DAB1: variants seen among roughly 807,000 people sequenced by gnomAD.
DAB1 encodes DAB adaptor protein 1, also known as disabled homolog 1.
DAB1 carries 15 observed loss-of-function variants against 64.6 expected under a neutral mutation model. The ratio of observed to expected loss-of-function variants is 0.23; its 90% CI spans 0.16 to 0.36. The LOEUF (loss-of-function observed/expected upper bound fraction) is 0.36. DAB1 is among the 10% of genes least tolerant of loss of function. The pLI is 1.00. For missense variants in DAB1, 596 were observed against 706.7 expected, an observed-to-expected ratio of 0.84 and a Z score of 1.78; for synonymous variants, 235 against 251.9, an observed-to-expected ratio of 0.93 and a Z score of 0.64.
At chr1:57,131,497 A>C (rs502701) in intron 4 of DAB1, among the ~76,000 whole-genome samples, 44,762 of 152,046 alleles carry the variant, frequency 0.29, 10,272 homozygotes, top group African/African-American at 0.65. Context: ...GTCCCAGAGA[A>C]CACCAGGTCC....
At chr1:58,228,694 T>A in intron 4 of DAB1, 1 of 1,141,106 alleles carries the variant, frequency 8.8e-7, no homozygotes, top group East Asian at 3.7e-5. Context: ...CAGTACCTCT[T>A]AGCCTTGCCC....
intron 1 of DAB1, chr1:57,880,144 T>C (rs1460199426): frequency 1.3e-5 from 2 of 148,718 alleles, no homozygotes; most frequent in African/African-American, 2.5e-5. Flanking sequence ...CAGAGAGGTA[T>C]GCTCATAGAA....
chr1:58,063,864 A>C (rs2100555899), intron 5 of DAB1, among the ~76,000 whole-genome samples: 1 of 152,330 alleles, frequency 6.6e-6, no homozygotes, highest in Middle Eastern at 3.4e-3. Context: ...TATAGCCTGA[A>C]CCCTTAACAC....
intron 4 of DAB1, among the ~76,000 whole-genome samples, chr1:58,242,900 A>T (rs1660362107): frequency 6.6e-6 from 1 of 152,134 alleles, no homozygotes; most frequent in African/African-American, 2.4e-5. Flanking sequence ...GGAAAAAAAA[A>T]ATAACATAAG....
chr1:58,387,564 G>A (rs1241859105), intron 3 of DAB1, among the ~76,000 whole-genome samples: 1 of 152,142 alleles, frequency 6.6e-6, no homozygotes, highest in Non-Finnish European at 1.5e-5. Flanking sequence ...TGTAGATAAA[G>A]TTCCCCAGAT....
chr1:58,247,271 G>A (rs1327468283), intron 4 of DAB1, among the ~76,000 whole-genome samples: 1 of 138,424 alleles, frequency 7.2e-6, no homozygotes, highest in South Asian at 2.7e-4. Context: ...CCCCCCGCCA[G>A]GTTAAATAAA....
intron 6 of DAB1, among the ~76,000 whole-genome samples, chr1:57,709,698 C>G (rs930427406): frequency 6.6e-6 from 1 of 152,146 alleles, no homozygotes; most frequent in Non-Finnish European, 1.5e-5. Flanking sequence ...GAGGTGGTGT[C>G]TGACTTACGC....
chr1:58,132,897 TGTTA>T (rs1417530629), intron 5 of DAB1, among the ~76,000 whole-genome samples: 8 of 152,324 alleles, frequency 5.3e-5, no homozygotes, highest in Non-Finnish European at 8.8e-5. Flanking sequence ...CTGATATCTG[TGTTA>T]GTGTTAGCTA....
At chr1:57,670,560 CTTA>C in intron 6 of DAB1, among the ~76,000 whole-genome samples, 1 of 152,208 alleles carries the variant, frequency 6.6e-6, no homozygotes, top group Middle Eastern at 3.4e-3. Flanking sequence ...GAGGGAAATT[CTTA>C]TTTTCAGGCA....
intron 7 of DAB1, among the ~76,000 whole-genome samples, chr1:57,434,814 T>C (rs1685630753): frequency 1.3e-5 from 2 of 152,128 alleles, no homozygotes; most frequent in Admixed American, 1.3e-4. Flanking sequence ...ATACAAAATG[T>C]ACAGTAAAAA....
intron 1 of DAB1, among the ~76,000 whole-genome samples, chr1:57,842,076 C>G (rs911966001): frequency 1.3e-5 from 2 of 152,310 alleles, no homozygotes; most frequent in Admixed American, 1.3e-4. Context: ...ACCTAAGCTA[C>G]ATCTTGAACA....
At chr1:57,335,960 T>C (rs1677045610) in intron 1 of DAB1, among the ~76,000 whole-genome samples, 1 of 152,206 alleles carries the variant, frequency 6.6e-6, no homozygotes, top group South Asian at 2.1e-4. Flanking sequence ...CAAATAATCA[T>C]TGTTGGCATC....
At chr1:57,229,927 A>G (rs1315715972) in intron 2 of DAB1, among the ~76,000 whole-genome samples, 1 of 152,210 alleles carries the variant, frequency 6.6e-6, no homozygotes, top group Non-Finnish European at 1.5e-5. Context: ...AATCAACAGT[A>G]GGGAAATATG....
At chr1:58,233,750 A>C (rs546375005) in intron 4 of DAB1, among the ~76,000 whole-genome samples, 1 of 152,258 alleles carries the variant, frequency 6.6e-6, no homozygotes, top group South Asian at 2.1e-4. Flanking sequence ...CCTTCAAGCT[A>C]CTCTGAGCCA....
At position 57,735,278 on chromosome 1, in the gene DAB1, A is replaced by C. The variant is rs370096522; in HGVS notation, n.552-85613T>G. On this transcript the variant is annotated intron_variant and non_coding_transcript_variant, in intron 6 of 20. Coordinates refer to the DAB1 transcript ENST00000485760. ...CTGCTACTGATTTGCTATGTGACCT[A>C]TCTGGACCCATCACCTATCTGGACT... is the stretch of plus-strand genomic sequence containing the variant. Among the ~76,000 whole-genome samples, 42 of 152,326 alleles carry C rather than the reference A, an allele frequency of 2.8e-4. No homozygotes were observed. The East Asian group carries it at 2.9e-3, about 11-fold the overall frequency.
chr1:57,059,624 G>T (rs1570614331), intron 9 of DAB1, among the ~76,000 whole-genome samples: 1 of 152,078 alleles, frequency 6.6e-6, no homozygotes, highest in Non-Finnish European at 1.5e-5. Flanking sequence ...AAGGCAGGAA[G>T]ATCTCAGAGC....
At chr1:57,753,164 G>A (rs1027977639) in intron 6 of DAB1, among the ~76,000 whole-genome samples, 1 of 152,130 alleles carries the variant, frequency 6.6e-6, no homozygotes, top group Non-Finnish European at 1.5e-5. Context: ...CTGTAGTCTT[G>A]GGCTGCCTGC....
chr1:57,349,682 C>T (rs982411442), intron 1 of DAB1, among the ~76,000 whole-genome samples: 4 of 152,170 alleles, frequency 2.6e-5, no homozygotes, highest in Non-Finnish European at 5.9e-5. Flanking sequence ...GAAAAAGCAG[C>T]CTGCATTATT....
chr1:57,836,131 A>G (rs1314713839), intron 1 of DAB1, among the ~76,000 whole-genome samples: 3 of 152,238 alleles, frequency 2.0e-5, no homozygotes, highest in Non-Finnish European at 4.4e-5. Flanking sequence ...TTACCTTACC[A>G]CTACTGCACT....
Sources: allele counts gnomAD v4.1 joint callset (sites outside exome capture counted in the v4.1 genomes callset), GRCh38; gene constraint gnomAD v4.1.1; transcripts MANE v1.5; gene names NCBI Gene and HGNC (gene_info 2026-07-23, HGNC 2026-07-21).